AGBL1: variants seen among roughly 807,000 people sequenced by gnomAD.
AGBL1 encodes cytosolic carboxypeptidase 4.
Under a neutral mutation model 118.9 loss-of-function variants are expected in AGBL1, and 130 were observed. That is an observed-to-expected ratio of 1.09 (90% confidence interval 0.95 to 1.26). The LOEUF (loss-of-function observed/expected upper bound fraction) is 1.26, where lower values mean the gene tolerates loss of function less well. AGBL1 is among the 50% of genes most tolerant of loss of function. The probability of loss-of-function intolerance (pLI) is 0.00; values close to 1 mark genes in which losing one functional copy is unlikely to be tolerated. For synonymous variants in AGBL1, 555 were observed against 478.9 expected (o/e 1.16, Z -2.08); for missense variants, 1,584 against 1,298.1 (o/e 1.22, Z -3.38).
At chr15:86,307,359 A>G (rs2079856139) in intron 17 of AGBL1, among the ~76,000 whole-genome samples, 2 of 152,148 alleles carry the variant, frequency 1.3e-5, no homozygotes, top group Non-Finnish European at 2.9e-5. Context: ...TTTAGCAAAG[A>G]TTTATTGATT....
chr15:86,924,383 G>A (rs1400819855), intron 23 of AGBL1, among the ~76,000 whole-genome samples: 1 of 152,202 alleles, frequency 6.6e-6, no homozygotes, highest in Non-Finnish European at 1.5e-5. Flanking sequence ...TTATTGCAAG[G>A]ATGCCCAGAC....
chr15:86,382,134 C>A (rs1567227741), intron 17 of AGBL1, among the ~76,000 whole-genome samples: 4 of 152,088 alleles, frequency 2.6e-5, no homozygotes, highest in Middle Eastern at 3.4e-3. Context: ...GGTACCTTCC[C>A]CACATCAGTC....
chr15:86,742,844 G>A (rs117338746), intron 22 of AGBL1, among the ~76,000 whole-genome samples: 149 of 152,252 alleles, frequency 9.8e-4, no homozygotes, highest in Non-Finnish European at 1.8e-3. Context: ...ATTAAATTCT[G>A]CATTGGAAAG....
chr15:86,811,641 C>G (rs1276031327), intron 22 of AGBL1, among the ~76,000 whole-genome samples: 1 of 152,116 alleles, frequency 6.6e-6, no homozygotes, highest in Non-Finnish European at 1.5e-5. Context: ...ATGGAATAAT[C>G]TTAGTTTCCT....
intron 22 of AGBL1, among the ~76,000 whole-genome samples, chr15:86,744,769 C>T (rs2077730060): frequency 6.6e-6 from 1 of 152,108 alleles, no homozygotes. Flanking sequence ...CTGTTATTTT[C>T]TATCAGTTGA....
chr15:86,283,519 A>T (rs1232851892), intron 16 of AGBL1, among the ~76,000 whole-genome samples: 6 of 152,072 alleles, frequency 3.9e-5, no homozygotes, highest in Non-Finnish European at 1.5e-5. Flanking sequence ...GAGGGAAGAA[A>T]GAAGAAGAAA....
At chr15:86,523,076 T>G (rs2083211690) in intron 19 of AGBL1, 137 bp downstream of exon 19, 1 of 1,033,942 alleles carries the variant, frequency 9.7e-7, no homozygotes, top group East Asian at 2.4e-5. Context: ...GGATGCATGG[T>G]GCATTGACTT....
chr15:86,507,262 T>A (rs918082694), intron 18 of AGBL1, among the ~76,000 whole-genome samples: 1 of 152,088 alleles, frequency 6.6e-6, no homozygotes. Flanking sequence ...AAGATGAAGA[T>A]CTAATCATTT....
chr15:86,811,437 T>G (rs1163016266), intron 22 of AGBL1, among the ~76,000 whole-genome samples: 3 of 152,152 alleles, frequency 2.0e-5, no homozygotes, highest in African/African-American at 4.8e-5. Flanking sequence ...ACAGCTCTCT[T>G]CCCTGGCCTT....
intron 22 of AGBL1, among the ~76,000 whole-genome samples, chr15:86,675,027 C>T (rs560128690): frequency 2.0e-5 from 3 of 152,190 alleles, no homozygotes; most frequent in South Asian, 2.1e-4. Context: ...CCAAATGAGC[C>T]GTTTTGATGT....
At chr15:86,610,990 A>C (rs931251716) in intron 21 of AGBL1, among the ~76,000 whole-genome samples, 4 of 152,204 alleles carry the variant, frequency 2.6e-5, no homozygotes, top group Non-Finnish European at 5.9e-5. Flanking sequence ...TCAGAAACTC[A>C]GGAGTGGGAT....
intron 21 of AGBL1, among the ~76,000 whole-genome samples, chr15:86,657,582 G>A (rs1013608332): frequency 1.6e-4 from 25 of 152,100 alleles, no homozygotes; most frequent in African/African-American, 5.6e-4. Context: ...TAAAAATGCC[G>A]GAGAAAGATT....
chr15:86,866,263 C>T (rs180769990), intron 22 of AGBL1, among the ~76,000 whole-genome samples: 131 of 152,232 alleles, frequency 8.6e-4, no homozygotes, highest in Non-Finnish European at 1.3e-3. Context: ...TAATAGTGAC[C>T]ATTATCATTG....
At chr15:86,342,577 C>T (rs2080477294) in intron 17 of AGBL1, among the ~76,000 whole-genome samples, 1 of 152,110 alleles carries the variant, frequency 6.6e-6, no homozygotes, top group Admixed American at 6.5e-5. Flanking sequence ...AAGCATTGTA[C>T]AGATTTCAAA....
At chr15:86,263,530 A>G (rs1007216980) in intron 10 of AGBL1, among the ~76,000 whole-genome samples, 1 of 152,260 alleles carries the variant, frequency 6.6e-6, no homozygotes, top group African/African-American at 2.4e-5. Context: ...GCCCCCATGC[A>G]CTGAAAAAGC....
chr15:86,099,152 C>A (rs116871303), intron 1 of AGBL1, among the ~76,000 whole-genome samples: 1 of 152,016 alleles, frequency 6.6e-6, no homozygotes, highest in Admixed American at 6.5e-5. Flanking sequence ...AATAAACATT[C>A]TGATAATGCA....
intron 18 of AGBL1, among the ~76,000 whole-genome samples, chr15:86,454,271 A>G (rs914050791): frequency 9.9e-5 from 15 of 152,212 alleles, no homozygotes; most frequent in Non-Finnish European, 1.9e-4. Flanking sequence ...TTAAAAATGA[A>G]GCTAATTGTT....
chr15:86,429,159 C>T (rs996177715), intron 18 of AGBL1, among the ~76,000 whole-genome samples: 1 of 152,222 alleles, frequency 6.6e-6, no homozygotes, highest in Non-Finnish European at 1.5e-5. Context: ...TCTAGAATAG[C>T]AAGTAGAGTG....
At chr15:86,442,387 C>G (rs1347988353) in intron 18 of AGBL1, among the ~76,000 whole-genome samples, 2 of 152,188 alleles carry the variant, frequency 1.3e-5, no homozygotes, top group Non-Finnish European at 2.9e-5. Context: ...TCGCCATTTT[C>G]TTTTCTGGCC....
Sources: allele counts gnomAD v4.1 joint callset (sites outside exome capture counted in the v4.1 genomes callset), GRCh38; gene constraint gnomAD v4.1.1; transcripts MANE v1.5; gene names NCBI Gene and HGNC (gene_info 2026-07-23, HGNC 2026-07-21).